PHF21A: variants seen among roughly 807,000 people sequenced by gnomAD.
The protein encoded by PHF21A is BHC80a.
PHF21A carries 11 observed loss-of-function variants against 82.5 expected under a neutral mutation model. That is an observed-to-expected ratio of 0.13 (90% CI 0.08 to 0.22). The LOEUF (loss-of-function observed/expected upper bound fraction) is 0.22. PHF21A is among the 10% of genes least tolerant of loss of function. The pLI is 1.00. For synonymous variants in PHF21A, 297 were observed against 302.8 expected (o/e 0.98, Z 0.20); for missense variants, 579 against 837.8 (o/e 0.69, Z 3.81).
intron 6 of PHF21A, among the ~76,000 whole-genome samples, chr11:46,019,494 C>T (rs1191032122): frequency 1.3e-5 from 2 of 152,136 alleles, no homozygotes; most frequent in Non-Finnish European, 2.9e-5. Flanking sequence ...TGGCTAAAAG[C>T]AGGGATCAGA....
intron 3 of PHF21A, among the ~76,000 whole-genome samples, chr11:46,085,386 C>G (rs2096844545): frequency 6.6e-6 from 1 of 151,942 alleles, no homozygotes; most frequent in Non-Finnish European, 1.5e-5. Context: ...AATATGACAC[C>G]CAGCTTGACC....
At chr11:46,015,880 T>C (rs1000430016) in intron 6 of PHF21A, among the ~76,000 whole-genome samples, 1 of 147,670 alleles carries the variant, frequency 6.8e-6, no homozygotes, top group East Asian at 2.1e-4. Context: ...CCCGAGGCTA[T>C]TGCTGTTTTA....
chr11:46,111,942 C>T (rs4756057), intron 1 of PHF21A, among the ~76,000 whole-genome samples: 137,320 of 152,250 alleles, frequency 0.9, 62,094 homozygotes, highest in East Asian at 1. Flanking sequence ...AGGTTACATA[C>T]ACTGTAACAA....
At chr11:45,971,633 G>C (rs1343097124) in intron 7 of PHF21A, among the ~76,000 whole-genome samples, 1 of 152,074 alleles carries the variant, frequency 6.6e-6, no homozygotes, top group Non-Finnish European at 1.5e-5. Context: ...GACTAATTCA[G>C]GCACAGGGTT....
chr11:45,980,071 CT>C, intron 6 of PHF21A, 105 bp from the exon 7 acceptor site: 1 of 1,492,516 alleles, frequency 6.7e-7, no homozygotes, highest in Non-Finnish European at 9.0e-7. Flanking sequence ...TCATCTAAAA[CT>C]TATTACATCT....
At chr11:45,976,630 T>G (rs1260679383) in intron 7 of PHF21A, among the ~76,000 whole-genome samples, 1 of 152,130 alleles carries the variant, frequency 6.6e-6, no homozygotes, top group South Asian at 2.1e-4. Context: ...TCACTTGAGC[T>G]CCGGAGTTTG....
intron 6 of PHF21A, among the ~76,000 whole-genome samples, chr11:46,056,991 TA>T (rs566005562): frequency 5.4e-5 from 8 of 148,124 alleles, no homozygotes; most frequent in Admixed American, 2.0e-4. Context: ...TTAAATATAG[TA>T]AAAAAAAAAG....
In PHF21A at chr11:45,953,580, G is replaced by A. The variant is rs147438481; in HGVS notation, c.1042C>T (p.Arg348Cys). 35 of 1,613,786 alleles carry A rather than the reference G, an allele frequency of 2.2e-5. No individual in the cohort carries two copies. In the African/African-American group the frequency reaches 2.9e-4, roughly 14 times the overall value. The change falls in exon 11 of 19, where the codon CGC becomes TGC. Residue 348 changes from arginine to cysteine, a missense_variant. Coordinates refer to ENST00000676320, the MANE Select transcript of PHF21A (RefSeq NM_001352027.3). ...GGTGCAGCAGGTGGGGTGATGGTGC[G>A]GCTCTCTGTTTGTTTCTCATCTGTT... ...TETDEKQTES[R>C]TITPPAAPKP...
intron 11 of PHF21A, among the ~76,000 whole-genome samples, chr11:45,951,333 G>C (rs1422537753): frequency 6.6e-6 from 1 of 152,226 alleles, no homozygotes; most frequent in Non-Finnish European, 1.5e-5. Context: ...TTGGCCTGAA[G>C]TGATAGGTTC....
chr11:46,084,190 A>C lies in PHF21A; in HGVS notation c.30T>G (p.Leu10=). The change falls in exon 4 of 19, where the codon CTT becomes CTG. Residue 10 remains leucine, a synonymous_variant. Transcript: ENST00000676320. MELQTLQEA[L]KVEIQVHQKL... is the part of the protein sequence containing the mutation. ...CCTGGTGAACCTGAATTTCCACTTT[A>C]AGAGCCTCCTGTAGAGTCTGCAACT... is the stretch of plus-strand genomic sequence containing the variant. 6.2e-7 allele frequency: 1 copy of C among 1,601,620 alleles called. No homozygotes were observed. The highest frequency in any genetic ancestry group is 8.5e-7 in the Non-Finnish European group (1 of 1,176,192).
intron 1 of PHF21A, among the ~76,000 whole-genome samples, chr11:46,111,111 A>G (rs2097208351): frequency 6.7e-6 from 1 of 149,268 alleles, no homozygotes; most frequent in South Asian, 2.2e-4. Flanking sequence ...AATCACAACT[A>G]TGTGGGGGGG....
At chr11:46,016,365 C>T (rs1028953599) in intron 6 of PHF21A, among the ~76,000 whole-genome samples, 8 of 152,174 alleles carry the variant, frequency 5.3e-5, no homozygotes, top group Non-Finnish European at 1.2e-4. Context: ...AACTATACTT[C>T]GCCTCCCATT....
chr11:46,052,675 G>A (rs1382990287), intron 6 of PHF21A, among the ~76,000 whole-genome samples: 1 of 152,186 alleles, frequency 6.6e-6, no homozygotes, highest in Non-Finnish European at 1.5e-5. Flanking sequence ...GTGCTGATAA[G>A]AAAACATTAT....
At chr11:45,943,326 T>C (rs2090726224) in intron 15 of PHF21A, among the ~76,000 whole-genome samples, 1 of 152,078 alleles carries the variant, frequency 6.6e-6, no homozygotes, top group African/African-American at 2.4e-5. Context: ...TTTCACTATA[T>C]TGCCATCACA....
intron 6 of PHF21A, among the ~76,000 whole-genome samples, chr11:46,039,008 T>C (rs1357880013): frequency 6.6e-6 from 1 of 152,042 alleles, no homozygotes; most frequent in Non-Finnish European, 1.5e-5. Flanking sequence ...AAGTTTGACA[T>C]GAACAGAGAA....
At chr11:46,065,893 C>T (rs1468099681) in intron 6 of PHF21A, among the ~76,000 whole-genome samples, 2 of 152,212 alleles carry the variant, frequency 1.3e-5, no homozygotes, top group South Asian at 2.1e-4. Flanking sequence ...ACACAAAAGT[C>T]ACAGAGCAAG....
intron 1 of PHF21A, among the ~76,000 whole-genome samples, chr11:46,104,780 A>T (rs1396060116): frequency 6.6e-6 from 1 of 152,220 alleles, no homozygotes; most frequent in African/African-American, 2.4e-5. Context: ...ATCACAGATG[A>T]AGAAACTGAA....
intron 6 of PHF21A, among the ~76,000 whole-genome samples, chr11:46,024,182 T>C (rs2095691848): frequency 1.3e-5 from 2 of 152,120 alleles, no homozygotes; most frequent in South Asian, 4.1e-4. Flanking sequence ...TTCTCCTCCT[T>C]CCCATCACAA....
At chr11:45,962,618 GTGGTGGCTCATGCCTGT>G (rs2093165397) in intron 10 of PHF21A, among the ~76,000 whole-genome samples, 1 of 149,776 alleles carries the variant, frequency 6.7e-6, no homozygotes, top group East Asian at 2.0e-4. Context: ...TTGGCCAGGC[GTGGTGGCTCATGCCTGT>G]AATCCCAGCA....
Sources: allele counts gnomAD v4.1 joint callset (sites outside exome capture counted in the v4.1 genomes callset), GRCh38; gene constraint gnomAD v4.1.1; transcripts MANE v1.5; gene names NCBI Gene and HGNC (gene_info 2026-07-23, HGNC 2026-07-21).